VPS37A: variants seen among roughly 807,000 people sequenced by gnomAD.
VPS37A encodes the protein VPS37A subunit of ESCRT-I, also known as vacuolar protein sorting-associated protein 37A.
In VPS37A, 30 loss-of-function variants were observed where a neutral mutation model predicts 49.8. That is an observed-to-expected ratio of 0.60 (90% CI 0.45 to 0.82). VPS37A has a LOEUF of 0.82. Ranked by LOEUF, VPS37A falls within the 40% of genes least tolerant of loss-of-function variation. The pLI is 0.00. For synonymous variants in VPS37A, 195 were observed against 160.6 expected (o/e 1.21, Z -1.62); for missense variants, 593 against 464.4 (o/e 1.28, Z -2.55).
the VPS37A span, among the ~76,000 whole-genome samples, chr8:17,315,837 C>T: frequency 6.6e-6 from 1 of 152,080 alleles, no homozygotes; most frequent in Non-Finnish European, 1.5e-5. Context: ...AGTAGTGAGA[C>T]TCAGGCTCTA....
chr8:17,313,044 C>A, the VPS37A span, among the ~76,000 whole-genome samples: 1 of 152,334 alleles, frequency 6.6e-6, no homozygotes. Context: ...CAGGATTAAG[C>A]CTAATGGAAG....
chr8:17,295,858 A>G lies in VPS37A; in HGVS notation c.*872A>G, dbSNP rs1816586879. On this transcript the variant is annotated 3_prime_UTR_variant, in exon 12 of 12. Coordinates refer to ENST00000324849, the MANE Select transcript of VPS37A (RefSeq NM_152415.3). ...GTTACCTTTTCCTAAGAGGAAAGCTATAGTAATAAGTAAAATTTAATTTTT... is the reference window on the plus strand; with the variant it reads ...GTTACCTTTTCCTAAGAGGAAAGCTGTAGTAATAAGTAAAATTTAATTTTT... The G allele has an allele frequency of 6.6e-6, 1 of 152,214 alleles. No individual in the cohort carries two copies. Among genetic ancestry groups the G allele is most frequent in the Non-Finnish European group, 1.5e-5 (1 of 68,028 alleles). The allele number at this position is 152,214 out of a possible 1,614,324, so 9.4% of individuals were successfully genotyped here. A position where few individuals can be genotyped will look rare whatever the true frequency, so the allele number is the denominator to read the frequency against.
At chr8:17,277,661 C>G (rs914552510) in intron 6 of VPS37A, among the ~76,000 whole-genome samples, 1 of 151,998 alleles carries the variant, frequency 6.6e-6, no homozygotes, top group Non-Finnish European at 1.5e-5. Context: ...TAACCCCAGT[C>G]ACCATCATCA....
At chr8:17,264,468 T>C (rs994051211) in intron 1 of VPS37A, among the ~76,000 whole-genome samples, 3 of 152,220 alleles carry the variant, frequency 2.0e-5, no homozygotes, top group African/African-American at 7.2e-5. Flanking sequence ...GAGTGTCCAC[T>C]TGAGTCTTTT....
chr8:17,276,397 A>G lies in VPS37A; in HGVS notation c.643A>G (p.Thr215Ala). Residue 215 changes from threonine (T) to alanine (A), a missense_variant and splice_region_variant, in exon 6 of 12, where the codon ACA (threonine) becomes GCA (alanine). Coordinates refer to ENST00000324849, the MANE Select transcript of VPS37A (RefSeq NM_152415.3). ...AATATCATTTAAAACTTTTCTTTAG[A>G]CAAGCCAAAATGGTTTTGGGTACAA... The part of the protein sequence containing the change: ...PIPTVDASIP[T>A]SQNGFGYKMP... The G allele has an allele frequency of 6.2e-7, 1 of 1,610,860 alleles. No individual in the cohort carries two copies. The highest frequency in any genetic ancestry group is 8.5e-7 in the Non-Finnish European group (1 of 1,178,874).
intron 8 of VPS37A, 28 bp from the exon 9 acceptor site, chr8:17,280,347 A>G: frequency 1.2e-6 from 2 of 1,602,182 alleles, no homozygotes; most frequent in Admixed American, 1.7e-5. Flanking sequence ...AAAATAGAAT[A>G]AAACAACCTT....
chr8:17,285,230 G>C (rs1052353506), intron 10 of VPS37A, among the ~76,000 whole-genome samples: 72 of 152,170 alleles, frequency 4.7e-4, no homozygotes, highest in African/African-American at 1.6e-3. Flanking sequence ...GAGTATACAA[G>C]CAGGTAAATC....
intron 3 of VPS37A, 57 bp downstream of exon 3, chr8:17,268,429 C>T: frequency 2.4e-6 from 3 of 1,266,280 alleles, no homozygotes; most frequent in Non-Finnish European, 3.3e-6. Flanking sequence ...TACTTTTCTA[C>T]TAAATATTTT....
the VPS37A span, among the ~76,000 whole-genome samples, chr8:17,328,492 C>A: frequency 6.6e-6 from 1 of 151,874 alleles, no homozygotes; most frequent in Non-Finnish European, 1.5e-5. Flanking sequence ...CACATGTTCT[C>A]ACTTAAAAGT....
At chr8:17,293,645 T>C (rs1328771862) in intron 11 of VPS37A, among the ~76,000 whole-genome samples, 2 of 152,216 alleles carry the variant, frequency 1.3e-5, no homozygotes. Context: ...AATTTTTGCA[T>C]GGTCGTCATT....
intron 2 of VPS37A, 129 bp downstream of exon 2, chr8:17,266,110 C>T: frequency 1.3e-6 from 1 of 774,520 alleles, no homozygotes; most frequent in South Asian, 1.9e-5. Context: ...AAATAGTGCA[C>T]AATTCAGTGA....
the VPS37A span, among the ~76,000 whole-genome samples, chr8:17,325,779 C>T: frequency 6.6e-6 from 1 of 152,304 alleles, no homozygotes; most frequent in East Asian, 1.9e-4. Context: ...TGAAACTGTG[C>T]TCTTACTTCA....
intron 6 of VPS37A, chr8:17,279,662 C>T (rs1347905757): frequency 1.7e-5 from 6 of 349,522 alleles, no homozygotes; most frequent in Non-Finnish European, 3.3e-5. Flanking sequence ...GCTGAATAAG[C>T]TCCTTAGTTT....
At chr8:17,266,864 C>T (rs994813582) in intron 2 of VPS37A, among the ~76,000 whole-genome samples, 1 of 152,134 alleles carries the variant, frequency 6.6e-6, no homozygotes, top group African/African-American at 2.4e-5. Context: ...CCTCCGCCTC[C>T]CGGGTTCAAG....
At chr8:17,308,777 CAG>C in the VPS37A span, among the ~76,000 whole-genome samples, 3 of 152,164 alleles carry the variant, frequency 2.0e-5, no homozygotes, top group Admixed American at 6.5e-5. Flanking sequence ...CAAGGCCAGA[CAG>C]TGAATATCAT....
At chr8:17,331,193 C>T in the VPS37A span, 2 of 1,613,012 alleles carry the variant, frequency 1.2e-6, no homozygotes, top group South Asian at 1.1e-5. Context: ...CATGGATGTT[C>T]TCTATCCCGA....
chr8:17,255,522 G>T lies in VPS37A; in HGVS notation c.125+8153G>T, dbSNP rs554684699. ...TGTGTGTGTGTGTATGTGTATATAT[G>T]TGTGTATATATATAAACTAAGTGAT... On this transcript the variant is annotated intron_variant, in intron 1 of 11. Transcript: ENST00000324849. Among the ~76,000 whole-genome samples the T allele has an allele frequency of 1.7e-4, 26 of 152,018 alleles. No individual in the cohort carries two copies. The South Asian group carries it at 5.4e-3, about 32-fold the overall frequency.
chr8:17,310,522 T>C, the VPS37A span, among the ~76,000 whole-genome samples: 1 of 152,112 alleles, frequency 6.6e-6, no homozygotes, highest in East Asian at 1.9e-4. Context: ...CTAAGGGCAG[T>C]GTGTGACTGG....
chr8:17,315,869 G>A, the VPS37A span, among the ~76,000 whole-genome samples: 4 of 152,036 alleles, frequency 2.6e-5, no homozygotes, highest in African/African-American at 7.2e-5. Flanking sequence ...AAAAATGAGC[G>A]AGACTGAGTG....
Sources: allele counts gnomAD v4.1 joint callset (sites outside exome capture counted in the v4.1 genomes callset), GRCh38; gene constraint gnomAD v4.1.1; transcripts MANE v1.5; gene names NCBI Gene and HGNC (gene_info 2026-07-23, HGNC 2026-07-21).